The following TET2 variants were observed in gnomAD, a reference collection of about 807,000 sequenced individuals.
The protein encoded by TET2 is methylcytosine dioxygenase TET2.
A neutral mutation model predicts 142.9 loss-of-function variants in TET2; 299 were observed. That is an observed-to-expected ratio of 2.09 (90% CI 1.90 to 2.30). TET2 has a LOEUF of 2.30. Among genes scored for constraint, TET2 ranks in the 30% most tolerant of loss-of-function variants. TET2 has a pLI of 0.00. For missense variants in TET2, 2,418 were observed against 2,378.0 expected (o/e 1.02, Z -0.35); for synonymous variants, 819 against 849.0 (o/e 0.96, Z 0.61).
At chr4:105,164,903 G>A (rs1043857087) in intron 1 of TET2, among the ~76,000 whole-genome samples, 1 of 152,108 alleles carries the variant, frequency 6.6e-6, no homozygotes, top group Non-Finnish European at 1.5e-5. Context: ...ATCCTTTCAT[G>A]ATCATCCTTT....
chr4:105,218,348 A>G (rs926303075), intron 2 of TET2, among the ~76,000 whole-genome samples: 3 of 152,038 alleles, frequency 2.0e-5, no homozygotes, highest in African/African-American at 7.2e-5. Context: ...GATCATCTCC[A>G]TCTATTCATA....
chr4:105,159,406 C>T (rs1723731660), intron 1 of TET2, among the ~76,000 whole-genome samples: 1 of 152,000 alleles, frequency 6.6e-6, no homozygotes, highest in South Asian at 2.1e-4. Flanking sequence ...TAGGCATGCG[C>T]CACCACGCCC....
intron 2 of TET2, among the ~76,000 whole-genome samples, chr4:105,224,795 G>A (rs1394552423): frequency 6.8e-6 from 1 of 146,558 alleles, no homozygotes; most frequent in Non-Finnish European, 1.5e-5. Flanking sequence ...TATAATTGTT[G>A]CATGTTTCTA....
At chr4:105,150,741 C>T (rs768439122) in intron 1 of TET2, among the ~76,000 whole-genome samples, 2 of 152,168 alleles carry the variant, frequency 1.3e-5, no homozygotes, top group Non-Finnish European at 2.9e-5. Context: ...TCTCCAATTT[C>T]TATTTCTACT....
At position 105,235,515 on chromosome 4, in the gene TET2, C is replaced by G. The variant is rs1161592925; in HGVS notation, c.1573C>G (p.Leu525Val). 3 of 1,614,118 alleles carry G rather than the reference C, an allele frequency of 1.9e-6. No individual in the cohort carries two copies. In the Admixed American group the frequency reaches 5.0e-5, roughly 27 times the overall value. ...NPPIFGSSGELQDNCQQLMRN... is the reference protein window; with the variant it reads ...NPPIFGSSGEVQDNCQQLMRN... ...ACCAATTTTTGGTAGCAGTGGAGAG[C>G]TACAGGACAACTGCCAGCAGTTGAT... Residue 525 changes from leucine to valine, a missense_variant, in exon 3 of 11, where the codon CTA becomes GTA. Physicochemically the swap from Leu to Val is conservative, Grantham distance 32. Transcript: ENST00000380013.
intron 1 of TET2, among the ~76,000 whole-genome samples, chr4:105,189,985 G>A (rs2110479490): frequency 6.6e-6 from 1 of 152,290 alleles, no homozygotes; most frequent in Middle Eastern, 3.4e-3. Flanking sequence ...AGCTCAACAA[G>A]TCAGAATCTC....
rs201589137 is a variant in TET2, at chr4:105,257,365, G to GTTTA, written c.3804-2250_3804-2247dup. 6.9e-3 allele frequency among the ~76,000 whole-genome samples: 1,052 copies of GTTTA among 152,230 alleles called. 9 individuals carry two copies. The highest frequency in any genetic ancestry group is 0.024 in the African/African-American group (991 of 41,522). ...TATGTTACTGTTTCTGGTGGTTGTT[G>GTTTA]TTTATTTCTTTTTAACTACTCCTAT... On this transcript the variant is annotated intron_variant, in intron 6 of 10. Transcript: ENST00000380013.
intron 2 of TET2, among the ~76,000 whole-genome samples, chr4:105,214,901 C>T (rs901890121): frequency 6.6e-6 from 1 of 152,122 alleles, no homozygotes; most frequent in Non-Finnish European, 1.5e-5. Context: ...CTTGACCAAA[C>T]GTATTGAACC....
chr4:105,273,182 A>C (rs1487386526), intron 10 of TET2, among the ~76,000 whole-genome samples: 2 of 152,136 alleles, frequency 1.3e-5, no homozygotes, highest in African/African-American at 4.8e-5. Flanking sequence ...CCATGTGTCC[A>C]TGTGCTCTTA....
intron 2 of TET2, among the ~76,000 whole-genome samples, chr4:105,211,283 G>A (rs1727145333): frequency 6.6e-6 from 1 of 152,034 alleles, no homozygotes; most frequent in Non-Finnish European, 1.5e-5. Context: ...TCATCACTCA[G>A]ATTTATTTCC....
At chr4:105,252,031 G>A (rs1471355549) in intron 6 of TET2, among the ~76,000 whole-genome samples, 2 of 152,108 alleles carry the variant, frequency 1.3e-5, no homozygotes, top group Non-Finnish European at 2.9e-5. Context: ...AACCTGCATT[G>A]ACAATTGTCG....
intron 1 of TET2, 133 bp from the exon 2 acceptor site, chr4:105,190,227 G>GT (rs1271597541): frequency 1.3e-5 from 6 of 459,722 alleles, no homozygotes; most frequent in African/African-American, 7.9e-5. Flanking sequence ...GATTCTCTAA[G>GT]TTTTTTAACA....
chr4:105,175,792 C>G (rs1013818603), intron 1 of TET2, among the ~76,000 whole-genome samples: 3 of 151,742 alleles, frequency 2.0e-5, no homozygotes, highest in Non-Finnish European at 1.5e-5. Context: ...TTCAGAAAAT[C>G]AAAGATTAAA....
chr4:105,242,668 C>A, intron 4 of TET2, 166 bp from the exon 5 acceptor site: 1 of 1,370,848 alleles, frequency 7.3e-7, no homozygotes. Context: ...GCTTAAAAAC[C>A]ATTATCCAGT....
At position 105,235,960 on chromosome 4, in the gene TET2, T is replaced by G; in HGVS notation, c.2018T>G (p.Val673Gly). The G allele has an allele frequency of 6.2e-7, 1 of 1,614,188 alleles. No homozygotes were observed. The highest frequency in any genetic ancestry group is 8.5e-7 in the Non-Finnish European group (1 of 1,180,022). Residue 673 changes from valine (V) to glycine (G), a missense_variant, in exon 3 of 11, where the codon GTG becomes GGG. Val to Gly is a moderately radical substitution (Grantham distance 109, BLOSUM62 -3). Coordinates refer to ENST00000380013, the MANE Select transcript of TET2 (RefSeq NM_001127208.3). ...ACAGACCATTTACCAAAAGCTCATG[T>G]GCAGTCACTGTGTGGCACTAGATTT... ...SKTDHLPKAHVQSLCGTRFHF... is the reference protein window; with the variant it reads ...SKTDHLPKAHGQSLCGTRFHF...
At chr4:105,229,154 C>G (rs1210209866) in intron 2 of TET2, among the ~76,000 whole-genome samples, 4 of 151,838 alleles carry the variant, frequency 2.6e-5, no homozygotes, top group Non-Finnish European at 5.9e-5. Flanking sequence ...TCATAGATAC[C>G]ACATCTCAAT....
intron 4 of TET2, 132 bp downstream of exon 4, chr4:105,241,561 G>A: frequency 6.9e-7 from 1 of 1,446,498 alleles, no homozygotes; most frequent in Non-Finnish European, 9.1e-7. Context: ...GCTATTCTAG[G>A]GTTGCCAACA....
Position 105,272,621 on chromosome 4 carries a change from C to G in TET2, c.4240C>G (p.Gln1414Glu), listed in dbSNP as rs1731019056. The G allele has an allele frequency of 6.5e-7, 1 of 1,550,324 alleles. No homozygotes were observed. The highest frequency in any genetic ancestry group is 8.7e-7 in the Non-Finnish European group (1 of 1,146,556). Residue 1414 changes from glutamine to glutamate, a missense_variant, in exon 10 of 11, where the codon CAG becomes GAG. By Grantham distance (29) the Gln-to-Glu change is conservative (BLOSUM62 2). Transcript: ENST00000380013. ...ATTTGGAGGAAAACCTGAGGATGAG[C>G]AGCTTCACGTTCTGCCTTTATACAA... ...REFGGKPEDE[Q>E]LHVLPLYKVS...
intron 1 of TET2, among the ~76,000 whole-genome samples, chr4:105,155,552 G>A (rs1476426151): frequency 6.6e-6 from 1 of 152,140 alleles, no homozygotes; most frequent in African/African-American, 2.4e-5. Context: ...AATTACTTGG[G>A]GTTGATTGTA....
Sources: gnomAD v4.1 joint callset for allele counts (sites outside exome capture counted in the v4.1 genomes callset) on GRCh38, gnomAD v4.1.1 for gene constraint, MANE v1.5 for transcripts, NCBI Gene and HGNC (gene_info 2026-07-23, HGNC 2026-07-21) for gene names.